CHLSN: variants seen among roughly 807,000 people sequenced by gnomAD.
CHLSN encodes the protein cholesin, also known as protein cholesin.
At chr7:1,094,867 C>T in the CHLSN span, among the ~76,000 whole-genome samples, 7 of 152,192 alleles carry the variant, frequency 4.6e-5, no homozygotes, top group East Asian at 3.9e-4. Context: ...AGGAACAGAG[C>T]GCTGCCCAGA....
At chr7:1,009,599 C>G in the CHLSN span, among the ~76,000 whole-genome samples, 4 of 152,156 alleles carry the variant, frequency 2.6e-5, no homozygotes, top group Non-Finnish European at 4.4e-5. Context: ...TGAAGGCCAC[C>G]ACGAGTTCCC....
chr7:1,030,024 C>T, the CHLSN span, among the ~76,000 whole-genome samples: 17 of 152,178 alleles, frequency 1.1e-4, no homozygotes, highest in African/African-American at 2.7e-4. Flanking sequence ...GTCCGCACCC[C>T]GCTTTCAGAG....
the CHLSN span, among the ~76,000 whole-genome samples, chr7:978,815 C>T: frequency 6.6e-6 from 1 of 152,262 alleles, no homozygotes; most frequent in Non-Finnish European, 1.5e-5. Flanking sequence ...AGTCATTACC[C>T]GTGAACTTGC....
the CHLSN span, among the ~76,000 whole-genome samples, chr7:1,130,682 C>T: frequency 1.3e-5 from 2 of 151,696 alleles, no homozygotes; most frequent in Admixed American, 6.6e-5. Flanking sequence ...GAAAAGTGTC[C>T]TGCAGAGCCC....
the CHLSN span, chr7:1,028,511 C>G: frequency 1.0e-6 from 1 of 985,174 alleles, no homozygotes; most frequent in Non-Finnish European, 1.2e-6. Flanking sequence ...GGGGGTGGAC[C>G]CTGCTGCAGC....
At chr7:1,030,594 C>T in the CHLSN span, among the ~76,000 whole-genome samples, 27 of 152,224 alleles carry the variant, frequency 1.8e-4, no homozygotes, top group Non-Finnish European at 3.4e-4. Context: ...GCTGCTATGC[C>T]TTCCTAGGTC....
chr7:1,096,458 G>C, the CHLSN span, among the ~76,000 whole-genome samples: 1 of 152,206 alleles, frequency 6.6e-6, no homozygotes, highest in Non-Finnish European at 1.5e-5. The surrounding 1 kb of genome is among the most constrained non-coding windows in gnomAD (Gnocchi z 4.6). Context: ...GGGAGCTGTA[G>C]GACAGAGACC....
chr7:1,009,305 C>G, the CHLSN span, among the ~76,000 whole-genome samples: 2 of 152,190 alleles, frequency 1.3e-5, no homozygotes, highest in African/African-American at 4.8e-5. Flanking sequence ...CGTGACACCC[C>G]TTATTCTAGG....
chr7:1,080,154 T>C, the CHLSN span, among the ~76,000 whole-genome samples: 9 of 152,234 alleles, frequency 5.9e-5, no homozygotes, highest in Admixed American at 5.9e-4. Context: ...TTGGCAGCTT[T>C]GTATGAAGCT....
At chr7:1,119,892 G>T in the CHLSN span, among the ~76,000 whole-genome samples, 1 of 149,164 alleles carries the variant, frequency 6.7e-6, no homozygotes, top group Admixed American at 6.7e-5. Context: ...AAAAAAAAGG[G>T]GGATAGAATG....
At chr7:1,016,932 GCA>G in the CHLSN span, among the ~76,000 whole-genome samples, 25 of 76,764 alleles carry the variant, frequency 3.3e-4, no homozygotes, top group Non-Finnish European at 4.7e-4. Context: ...GCACACAGCA[GCA>G]CACGCCAGCA....
At chr7:1,086,692 A>C in the CHLSN span, 2 of 152,316 alleles carry the variant, frequency 1.3e-5, no homozygotes, top group African/African-American at 2.4e-5. Context: ...CGAGGGGCCG[A>C]GTGCACCTGG....
the CHLSN span, among the ~76,000 whole-genome samples, chr7:1,120,556 G>A: frequency 6.6e-6 from 1 of 152,142 alleles, no homozygotes; most frequent in South Asian, 2.1e-4. Flanking sequence ...CCTCCCAAAA[G>A]TGCTGAGATT....
chr7:1,103,116 C>T, the CHLSN span, among the ~76,000 whole-genome samples: 3 of 152,224 alleles, frequency 2.0e-5, no homozygotes, highest in African/African-American at 7.2e-5. Context: ...CTGGCAGCCC[C>T]GTCCGGGAGG....
At chr7:1,057,080 CG>C in the CHLSN span, among the ~76,000 whole-genome samples, 1 of 152,108 alleles carries the variant, frequency 6.6e-6, no homozygotes, top group African/African-American at 2.4e-5. Context: ...CAGGGCTGAC[CG>C]TCCACATTGC....
At chr7:989,126 TCCCCCCAGGG>T in the CHLSN span, 3 of 378,616 alleles carry the variant, frequency 7.9e-6, no homozygotes, top group South Asian at 9.2e-5. Context: ...CCCACCTAGC[TCCCCCCAGGG>T]CCCCCCAGCA....
the CHLSN span, among the ~76,000 whole-genome samples, chr7:1,014,835 AC>A: frequency 0.36 from 55,157 of 152,194 alleles, 11,126 homozygotes; most frequent in African/African-American, 0.55. Flanking sequence ...GGTTGGTGTC[AC>A]CCTGTCCCGG....
At chr7:1,114,147 C>T in the CHLSN span, among the ~76,000 whole-genome samples, 1 of 152,244 alleles carries the variant, frequency 6.6e-6, no homozygotes, top group Non-Finnish European at 1.5e-5. Flanking sequence ...AACCCAGAGT[C>T]CTGCCAACTT....
the CHLSN span, among the ~76,000 whole-genome samples, chr7:1,072,676 C>CTTTTT: frequency 1.2e-4 from 13 of 110,298 alleles, no homozygotes; most frequent in African/African-American, 2.7e-4. Flanking sequence ...CTTTTCTTTC[C>CTTTTT]TTTTTTTTTT....
Sources: allele counts gnomAD v4.1 joint callset (sites outside exome capture counted in the v4.1 genomes callset), GRCh38; gene constraint gnomAD v4.1.1; non-coding constraint Gnocchi (gnomAD v3.1); transcripts MANE v1.5; gene names NCBI Gene and HGNC (gene_info 2026-07-23, HGNC 2026-07-21).